The following PLEKHA8 variants were observed in gnomAD, a reference collection of about 807,000 sequenced individuals.
PLEKHA8 encodes the protein pleckstrin homology domain containing A8.
Under a neutral mutation model 68.2 loss-of-function variants are expected in PLEKHA8, and 36 were observed. The ratio of observed to expected loss-of-function variants is 0.53; its 90% confidence interval spans 0.40 to 0.70. The LOEUF (loss-of-function observed/expected upper bound fraction) is 0.70, where lower values mean the gene tolerates loss of function less well. Ranked by LOEUF, PLEKHA8 falls within the 30% of genes least tolerant of loss-of-function variation. The pLI, the probability that PLEKHA8 is intolerant of heterozygous loss-of-function variation, is 0.00. For synonymous variants in PLEKHA8, 211 were observed against 216.1 expected, an observed-to-expected ratio of 0.98 and a Z score of 0.20; for missense variants, 505 against 615.4, an observed-to-expected ratio of 0.82 and a Z score of 1.90.
chr7:30,117,473 G>C (rs1796603090), intron 13 of PLEKHA8, among the ~76,000 whole-genome samples: 1 of 152,170 alleles, frequency 6.6e-6, no homozygotes, highest in South Asian at 2.1e-4. Flanking sequence ...GGGAGGCTGA[G>C]GTGGGAGGAT....
At chr7:30,051,476 G>A (rs952496420) in intron 6 of PLEKHA8, among the ~76,000 whole-genome samples, 5 of 151,374 alleles carry the variant, frequency 3.3e-5, no homozygotes, top group Admixed American at 6.6e-5. Context: ...ATTTTTATTA[G>A]AAGAAAATAT....
chr7:30,068,152 A>T (rs1793995131), intron 12 of PLEKHA8, among the ~76,000 whole-genome samples: 1 of 152,186 alleles, frequency 6.6e-6, no homozygotes, highest in Non-Finnish European at 1.5e-5. Context: ...GGCTCCTTGA[A>T]ACACAGATTG....
intron 13 of PLEKHA8, among the ~76,000 whole-genome samples, chr7:30,102,310 G>C (rs934117397): frequency 1.3e-5 from 2 of 152,222 alleles, no homozygotes; most frequent in African/African-American, 4.8e-5. Flanking sequence ...TGGAGAAATT[G>C]AATGTCTTGT....
intron 1 of PLEKHA8, among the ~76,000 whole-genome samples, chr7:30,035,810 AT>A (rs527687338): frequency 6.7e-6 from 1 of 150,202 alleles, no homozygotes; most frequent in Admixed American, 6.6e-5. Context: ...AGCCCGGCTG[AT>A]TTTTTTTTGT....
chr7:30,075,837 T>C (rs1019718220), intron 13 of PLEKHA8, among the ~76,000 whole-genome samples: 1 of 152,180 alleles, frequency 6.6e-6, no homozygotes, highest in Non-Finnish European at 1.5e-5. Context: ...TAAATCTTTT[T>C]TTCCTTTACC....
At chr7:30,110,730 C>T (rs1796245243) in intron 13 of PLEKHA8, among the ~76,000 whole-genome samples, 1 of 152,138 alleles carries the variant, frequency 6.6e-6, no homozygotes, top group Non-Finnish European at 1.5e-5. Flanking sequence ...TATAGCCATC[C>T]TAGTGAGTGC....
At chr7:30,109,044 C>T (rs146605264) in intron 13 of PLEKHA8, among the ~76,000 whole-genome samples, 19 of 152,248 alleles carry the variant, frequency 1.2e-4, no homozygotes, top group Middle Eastern at 3.4e-3. Flanking sequence ...CATGATCCTC[C>T]GTTCAACAAT....
chr7:30,036,400 AG>A (rs1791079810), intron 1 of PLEKHA8, among the ~76,000 whole-genome samples: 2 of 148,208 alleles, frequency 1.3e-5, no homozygotes, highest in African/African-American at 5.0e-5. Context: ...TAGATAGGAT[AG>A]GATAGAATAG....
intron 12 of PLEKHA8, among the ~76,000 whole-genome samples, chr7:30,066,837 T>A (rs1203012129): frequency 6.6e-6 from 1 of 151,998 alleles, no homozygotes; most frequent in African/African-American, 2.4e-5. Context: ...ATAGAAAAAA[T>A]TTTAAAAGGA....
Position 30,083,042 on chromosome 7 carries a change from C to T in PLEKHA8, c.*4255C>T, listed in dbSNP as rs1795022146. On this transcript the variant is annotated 3_prime_UTR_variant, in exon 14 of 14. Coordinates refer to ENST00000449726, the MANE Select transcript of PLEKHA8 (RefSeq NM_001197026.2). ...GTTTCATTTCTTTTTTTAAGATAAT[C>T]TATCAACCTTTTTTAAATTTTAAAA... The T allele has an allele frequency of 1.0e-6, 1 of 981,858 alleles. No homozygotes were observed. Among genetic ancestry groups the T allele is most frequent in the Non-Finnish European group, 1.2e-6 (1 of 826,930 alleles). 60.8% of individuals were successfully genotyped at this position (981,858 alleles called of 1,614,324 possible).
intron 6 of PLEKHA8, chr7:30,050,725 C>T (rs558301899): frequency 1.2e-4 from 40 of 345,744 alleles, no homozygotes; most frequent in Non-Finnish European, 7.2e-5. Flanking sequence ...CATCTAGTAA[C>T]TTTTAATCTC....
chr7:30,091,234 A>C (rs529624528), downstream of PLEKHA8, among the ~76,000 whole-genome samples: 64 of 151,918 alleles, frequency 4.2e-4, no homozygotes, highest in South Asian at 1.0e-3. Context: ...GATTATTTTT[A>C]GGTGGGTATT....
In PLEKHA8 at chr7:30,123,678, T is replaced by A. The variant is rs141115364; in HGVS notation, c.1363-5588T>A. ...ATTAAGGATCACATGAGCTTAGAGC[T>A]GCTAGGGGTTGTCTTTTCAGCATGA... On this transcript the variant is annotated intron_variant, in intron 13 of 13. Coordinates refer to the PLEKHA8 transcript ENST00000396257. Among the ~76,000 whole-genome samples the A allele has an allele frequency of 8.0e-4, 122 of 152,330 alleles. No homozygotes were observed. The East Asian group carries it at 0.019, about 24-fold the overall frequency.
At chr7:30,126,755 A>G (rs570927677) in intron 13 of PLEKHA8, among the ~76,000 whole-genome samples, 2 of 152,360 alleles carry the variant, frequency 1.3e-5, no homozygotes, top group South Asian at 4.1e-4. Context: ...AGCAGGCTAG[A>G]GAGAAGAACT....
intron 12 of PLEKHA8, 114 bp downstream of exon 12, chr7:30,062,856 C>G: frequency 1.3e-6 from 1 of 754,180 alleles, no homozygotes; most frequent in Admixed American, 3.3e-5. Flanking sequence ...GATTTTGTTT[C>G]TTTTCTTATT....
At chr7:30,111,640 G>A (rs1184127084) in intron 13 of PLEKHA8, among the ~76,000 whole-genome samples, 2 of 148,748 alleles carry the variant, frequency 1.3e-5, no homozygotes, top group African/African-American at 5.0e-5. Context: ...TTTTTTTTGA[G>A]ACAGGGTCTC....
downstream of PLEKHA8, among the ~76,000 whole-genome samples, chr7:30,092,930 G>A (rs1006185023): frequency 4.6e-5 from 7 of 152,178 alleles, no homozygotes; most frequent in Admixed American, 1.3e-4. Flanking sequence ...TTCTGGTTAT[G>A]TAAGTCAGTA....
intron 12 of PLEKHA8, among the ~76,000 whole-genome samples, chr7:30,067,600 G>A (rs994945497): frequency 6.6e-6 from 1 of 152,210 alleles, no homozygotes; most frequent in East Asian, 1.9e-4. Flanking sequence ...TCGTTTTCCA[G>A]AGATCATCAT....
chr7:30,056,332 A>ATATATG, intron 9 of PLEKHA8, among the ~76,000 whole-genome samples: 1 of 130,168 alleles, frequency 7.7e-6, no homozygotes, highest in East Asian at 2.2e-4. Flanking sequence ...ATATATATAT[A>ATATATG]AATAACATAT....
Sources: gnomAD v4.1 joint callset for allele counts (sites outside exome capture counted in the v4.1 genomes callset) on GRCh38, gnomAD v4.1.1 for gene constraint, MANE v1.5 for transcripts, NCBI Gene and HGNC (gene_info 2026-07-23, HGNC 2026-07-21) for gene names.